Variants in MRTFA observed in about 807,000 individuals in gnomAD.
MRTFA encodes myocardin-related transcription factor A.
MRTFA carries 20 observed loss-of-function variants against 83.5 expected under a neutral mutation model. The ratio of observed to expected loss-of-function variants is 0.24; its 90% CI spans 0.17 to 0.35. MRTFA has a LOEUF of 0.35. Ranked by LOEUF, MRTFA falls within the 10% of genes least tolerant of loss-of-function variation. The probability of loss-of-function intolerance (pLI) is 1.00; values close to 1 mark genes in which losing one functional copy is unlikely to be tolerated. For synonymous variants in MRTFA, 659 were observed against 541.2 expected (o/e 1.22, Z -3.02); for missense variants, 1,200 against 1,224.7 (o/e 0.98, Z 0.30).
intron 14 of MRTFA, among the ~76,000 whole-genome samples, chr22:40,415,726 C>T (rs993748255): frequency 6.6e-6 from 1 of 152,080 alleles, no homozygotes; most frequent in African/African-American, 2.4e-5. Context: ...CCTTCTTCCC[C>T]TCTGCAGGGG....
chr22:40,591,002 G>T (rs998618113), intron 2 of MRTFA, among the ~76,000 whole-genome samples: 74 of 152,058 alleles, frequency 4.9e-4, no homozygotes, highest in Admixed American at 2.0e-4. Flanking sequence ...GGGCGTGGTG[G>T]CACGCGCCTG....
Position 40,459,830 on chromosome 22 carries a change from CATATATATATATATATAT to C in MRTFA, c.307+3373_307+3390del, listed in dbSNP as rs55885079. Among the ~76,000 whole-genome samples the C allele has an allele frequency of 1.7e-4, 15 of 86,944 alleles. No individual in the cohort carries two copies. The South Asian group carries it at 5.3e-3, about 30-fold the overall frequency. The allele number at this position is 86,944 out of a possible 152,430, so 57.0% of individuals were successfully genotyped here. ...ACACACACACACACACACATATATA[CATATATATATATATATAT>C]ATATATATATATATACACACATGAA... is the stretch of plus-strand genomic sequence containing the variant. On this transcript the variant is annotated intron_variant, in intron 4 of 14. Coordinates refer to ENST00000355630, the MANE Select transcript of MRTFA (RefSeq NM_020831.6).
intron 6 of MRTFA, among the ~76,000 whole-genome samples, 184 bp downstream of exon 6, chr22:40,431,221 T>C (rs1283844767): frequency 1.3e-5 from 2 of 152,136 alleles, no homozygotes; most frequent in Admixed American, 6.5e-5. Context: ...ACTGTGCTTT[T>C]TGAGAGTCCC....
chr22:40,562,396 A>G (rs1259123498), intron 2 of MRTFA, among the ~76,000 whole-genome samples: 1 of 151,576 alleles, frequency 6.6e-6, no homozygotes, highest in African/African-American at 2.4e-5. Flanking sequence ...TTAACACTGT[A>G]TGGATCCAGG....
rs1175724448 is a variant in MRTFA, at chr22:40,508,513, C to CAAA, written c.241+43590_241+43592dup. Among the ~76,000 whole-genome samples the CAAA allele has an allele frequency of 1.6e-3, 42 of 26,042 alleles. 2 individuals are homozygous for CAAA. The highest frequency in any genetic ancestry group is 0.01 in the East Asian group (7 of 694). The allele number at this position is 26,042 out of a possible 152,430, so 17.1% of individuals were successfully genotyped here. On this transcript the variant is annotated intron_variant, in intron 3 of 14. Coordinates refer to ENST00000355630, the MANE Select transcript of MRTFA (RefSeq NM_020831.6). ...GGCAACAGAGACAGACTCCGTCTCT[C>CAAA]AAAAAAAAAAAAAAAAAAAAAAAAA...
chr22:40,484,082 G>A (rs1235842913), intron 3 of MRTFA, among the ~76,000 whole-genome samples: 2 of 151,164 alleles, frequency 1.3e-5, no homozygotes, highest in Admixed American at 1.3e-4. Context: ...CATATGGGTT[G>A]GGTTATAGAT....
intron 3 of MRTFA, among the ~76,000 whole-genome samples, chr22:40,473,817 T>G (rs2053951864): frequency 6.6e-6 from 1 of 152,192 alleles, no homozygotes. Flanking sequence ...GAAAAATCAT[T>G]TAGTGGCATC....
intron 1 of MRTFA, among the ~76,000 whole-genome samples, chr22:40,624,290 G>C (rs1204844680): frequency 3.3e-5 from 5 of 151,746 alleles, no homozygotes; most frequent in African/African-American, 1.2e-4. Flanking sequence ...GCCGTGCATG[G>C]TGGGGCACGC....
intron 2 of MRTFA, among the ~76,000 whole-genome samples, chr22:40,574,205 A>G (rs1021207905): frequency 2.0e-5 from 3 of 152,192 alleles, no homozygotes; most frequent in African/African-American, 7.2e-5. Context: ...TTTTGCCATC[A>G]TCAGTGAAAA....
At chr22:40,609,482 C>CAAAAA (rs148106089) in intron 1 of MRTFA, among the ~76,000 whole-genome samples, 29 of 69,676 alleles carry the variant, frequency 4.2e-4, no homozygotes, top group East Asian at 9.4e-4. Flanking sequence ...GTCTCTTTAA[C>CAAAAA]AAAAAAAAAA....
At position 40,510,969 on chromosome 22, in the gene MRTFA, G is replaced by A. The variant is rs140451883; in HGVS notation, c.241+41137C>T. On this transcript the variant is annotated intron_variant, in intron 3 of 14. Transcript: ENST00000355630. ...GGGACTGTGAGTTTGGAAGTGATATGAGATAACCACATAGTCAGAGACCAG... is the reference window on the plus strand; with the variant it reads ...GGGACTGTGAGTTTGGAAGTGATATAAGATAACCACATAGTCAGAGACCAG... Among the ~76,000 whole-genome samples, 35 of 152,298 alleles carry A rather than the reference G, an allele frequency of 2.3e-4. No individual in the cohort carries two copies. In the East Asian group the frequency reaches 5.8e-3, roughly 25 times the overall value.
At chr22:40,437,800 C>G (rs1045950946) in intron 4 of MRTFA, among the ~76,000 whole-genome samples, 20 of 150,172 alleles carry the variant, frequency 1.3e-4, no homozygotes, top group Admixed American at 3.3e-4. Flanking sequence ...ACATACTTTT[C>G]TTGTTTACTC....
chr22:40,609,748 T>C (rs2056363665), intron 1 of MRTFA, among the ~76,000 whole-genome samples: 2 of 151,916 alleles, frequency 1.3e-5, no homozygotes, highest in South Asian at 4.2e-4. Flanking sequence ...GGAGAATTGC[T>C]TGAACCCGGG....
intron 1 of MRTFA, among the ~76,000 whole-genome samples, chr22:40,602,555 T>C (rs973307663): frequency 6.6e-6 from 1 of 151,760 alleles, no homozygotes; most frequent in African/African-American, 2.4e-5. Flanking sequence ...ATGTGGTTGG[T>C]TTAAAAAATA....
At position 40,410,692 on chromosome 22, in the gene MRTFA, CTG is replaced by C. The variant is rs1032266116; in HGVS notation, c.*696_*697del. On this transcript the variant is annotated 3_prime_UTR_variant, in exon 15 of 15. Coordinates refer to ENST00000355630, the MANE Select transcript of MRTFA (RefSeq NM_020831.6). ...GCTGCATGCCAGACTGGGCACCAGA[CTG>C]TGGCACACAGCTCAAGGGTAACCTT... 2.6e-5 allele frequency: 6 copies of C among 233,284 alleles called. No individual in the cohort carries two copies. The highest frequency in any genetic ancestry group is 4.4e-5 in the African/African-American group (2 of 45,286). 14.5% of individuals were successfully genotyped at this position (233,284 alleles called of 1,614,324 possible).
Position 40,625,082 on chromosome 22 carries a change from T to C in MRTFA, c.-84+11396A>G, listed in dbSNP as rs1299366890. ...CAAATGACTAGCATATGATACATTA[T>C]GTTCTTGGTTCCCTGTTCCCATTCC... is the stretch of plus-strand genomic sequence containing the variant. On this transcript the variant is annotated intron_variant, in intron 1 of 14. Transcript: ENST00000355630. 2.6e-5 allele frequency among the ~76,000 whole-genome samples: 4 copies of C among 152,202 alleles called. No homozygotes were observed. In the East Asian group the frequency reaches 5.8e-4, roughly 22 times the overall value.
chr22:40,546,718 C>T lies in MRTFA; in HGVS notation c.241+5388G>A, dbSNP rs2055369940. Among the ~76,000 whole-genome samples, 5 of 152,170 alleles carry T rather than the reference C, an allele frequency of 3.3e-5. No homozygotes were observed. In the South Asian group the frequency reaches 1.0e-3, roughly 31 times the overall value. The stretch of plus-strand genomic sequence containing the variant: ...GGAAAGATTTCAGTTAATTTATATG[C>T]TAAGTGGAAACACTTCAGAGAAAAA... On this transcript the variant is annotated intron_variant, in intron 3 of 14. Transcript: ENST00000355630.
intron 1 of MRTFA, among the ~76,000 whole-genome samples, chr22:40,596,417 C>T (rs2147386952): frequency 6.6e-6 from 1 of 152,252 alleles, no homozygotes; most frequent in South Asian, 2.1e-4. Context: ...AACTGAACAC[C>T]TATGAAAAGG....
At chr22:40,412,008 A>AAAAT (rs1602189475) in intron 14 of MRTFA, 101 bp from the exon 15 acceptor site, 2 of 1,025,696 alleles carry the variant, frequency 1.9e-6, no homozygotes, top group East Asian at 5.7e-5. Context: ...ACCATTTACA[A>AAAAT]AAATAAAACG....
Sources: gnomAD v4.1 joint callset for allele counts (sites outside exome capture counted in the v4.1 genomes callset) on GRCh38, gnomAD v4.1.1 for gene constraint, MANE v1.5 for transcripts, NCBI Gene and HGNC (gene_info 2026-07-23, HGNC 2026-07-21) for gene names.